ATP5MC3: variants seen among roughly 807,000 people sequenced by gnomAD.
ATP5MC3 encodes ATP synthase F(0) complex subunit C3, mitochondrial.
A neutral mutation model predicts 15.6 loss-of-function variants in ATP5MC3; 6 were observed. The ratio of observed to expected loss-of-function variants is 0.38; its 90% CI spans 0.21 to 0.76. ATP5MC3 has a LOEUF of 0.76. Among genes scored for constraint, ATP5MC3 ranks in the 30% least tolerant of loss-of-function variants. The probability of loss-of-function intolerance (pLI) is 0.44; values close to 1 mark genes in which losing one functional copy is unlikely to be tolerated. For missense variants in ATP5MC3, 132 were observed against 171.2 expected (o/e 0.77, Z 1.28); for synonymous variants, 66 against 63.3 (o/e 1.04, Z -0.20).
rs780027708 is a variant in ATP5MC3 at position 175,176,468 on chromosome 2, T to G, written c.*1820A>C. 6 of 152,218 alleles carry G rather than the reference T, an allele frequency of 3.9e-5. No homozygotes were observed. The highest frequency in any genetic ancestry group is 7.3e-5 in the Non-Finnish European group (5 of 68,034). The allele number at this position is 152,218 out of a possible 1,614,324, so 9.4% of individuals were successfully genotyped here. A position where few individuals can be genotyped will look rare whatever the true frequency, so the allele number is the denominator to read the frequency against. On this transcript the variant is annotated 3_prime_UTR_variant, in exon 5 of 5. Coordinates refer to ENST00000284727, the MANE Select transcript of ATP5MC3 (RefSeq NM_001689.5). ...TACAATGTTGTGCAACCATCACCAC[T>G]AATTCATCAAATTTTAATAATCTTT...
In ATP5MC3 at chr2:175,177,069, G is replaced by T. The variant is rs954573532; in HGVS notation, c.*1219C>A. On this transcript the variant is annotated 3_prime_UTR_variant, in exon 5 of 5. Transcript: ENST00000284727. Reference sequence around the variant, plus strand: ...TGGGGCCTCATTTCACTTTACAGAAGGTAGGATATATATATAACTTAGTGA... The same window carrying T: ...TGGGGCCTCATTTCACTTTACAGAATGTAGGATATATATATAACTTAGTGA... 1 of 152,048 alleles carries T rather than the reference G, an allele frequency of 6.6e-6. No individual in the cohort carries two copies. Among genetic ancestry groups the T allele is most frequent in the Non-Finnish European group, 1.5e-5 (1 of 68,000 alleles). 9.4% of individuals were successfully genotyped at this position (152,048 alleles called of 1,614,324 possible).
chr2:175,178,814 C>T (rs1315099287), intron 4 of ATP5MC3: 3 of 1,116,166 alleles, frequency 2.7e-6, no homozygotes, highest in Non-Finnish European at 3.4e-6. Context: ...CATTTTCTGA[C>T]ATTTACTAGC....
chr2:175,180,226 G>C (rs912384757), intron 2 of ATP5MC3, 48 bp from the exon 3 acceptor site: 24 of 1,420,588 alleles, frequency 1.7e-5, no homozygotes, highest in Admixed American at 2.5e-5. Context: ...AAAGAATACA[G>C]GTAAGACTTC....
At chr2:175,180,771 G>A (rs1700757161) in intron 2 of ATP5MC3, among the ~76,000 whole-genome samples, 2 of 152,086 alleles carry the variant, frequency 1.3e-5, no homozygotes, top group South Asian at 4.1e-4. Flanking sequence ...AAACCCTTCC[G>A]AACCAAAACC....
chr2:175,179,981 A>C, intron 3 of ATP5MC3, 117 bp downstream of exon 3: 1 of 841,288 alleles, frequency 1.2e-6, no homozygotes, highest in Non-Finnish European at 1.8e-6. Flanking sequence ...TTTTGGATAA[A>C]AGGGTGGGAA....
In ATP5MC3 at chr2:175,180,133, C is replaced by A; in HGVS notation, c.85G>T (p.Val29Leu). Residue 29 changes from valine (V) to leucine (L), a missense_variant, in exon 3 of 5, where the codon GTG becomes TTG. Around this residue, in one of 2 missense-constraint regions of ATP5MC3, gnomAD observed 90 missense variants for 86.2 expected, o/e 1.04. Transcript: ENST00000284727. ...RVAYRPISAS[V>L]LSRPEASRTG... The stretch of plus-strand genomic sequence containing the variant: ...CTACTAGCCTCTGGTCGAGATAACA[C>A]TGATGCAGAAATTGGTCTGTATGCA... The A allele has an allele frequency of 6.2e-7, 1 of 1,600,538 alleles. No homozygotes were observed. Among genetic ancestry groups the A allele is most frequent in the Non-Finnish European group, 8.5e-7 (1 of 1,177,168 alleles).
rs1312301235 is a variant in ATP5MC3 at position 175,178,384 on chromosome 2, C to T, written c.333G>A (p.Gln111=). The T allele has an allele frequency of 7.5e-6, 12 of 1,608,220 alleles. No individual in the cohort carries two copies. Among genetic ancestry groups the T allele is most frequent in the Non-Finnish European group, 1.0e-5 (12 of 1,178,198 alleles). The change falls in exon 5 of 5, where the codon CAG becomes CAA. Residue 111 remains glutamine (Q), a synonymous_variant. Transcript: ENST00000284727. ...CCAGGATAGCATATGAGAACAGCTG[C>T]TGCTTCAGCGAAGGGTTTCTAAAAG... is the stretch of plus-strand genomic sequence containing the variant. The part of the protein sequence containing the change: ...IGYARNPSLK[Q]QLFSYAILGF...
chr2:175,181,648 C>T lies in ATP5MC3; in HGVS notation c.-74+8G>A. ...GGCCAGGCCGGGCTCCCTGTGCCCTCCACTTACCTTCCCAGGAGGCGGCGG... is the reference window on the plus strand; with the variant it reads ...GGCCAGGCCGGGCTCCCTGTGCCCTTCACTTACCTTCCCAGGAGGCGGCGG... On this transcript the variant is annotated splice_region_variant and intron_variant, in intron 1 of 4. Coordinates refer to ENST00000284727, the MANE Select transcript of ATP5MC3 (RefSeq NM_001689.5). The T allele has an allele frequency of 2.0e-6, 1 of 498,386 alleles. No individual in the cohort carries two copies. Among genetic ancestry groups the T allele is most frequent in the South Asian group, 3.1e-5 (1 of 32,168 alleles). 30.9% of individuals were successfully genotyped at this position (498,386 alleles called of 1,614,324 possible).
Position 175,178,190 on chromosome 2 carries a change from T to C in ATP5MC3, c.*98A>G. ...AAATGACTTTGGAAATAACGTACAT[T>C]CCCATGACACCAATACTACAGTTTT... is the stretch of plus-strand genomic sequence containing the variant. On this transcript the variant is annotated 3_prime_UTR_variant, in exon 5 of 5. Coordinates refer to ENST00000284727, the MANE Select transcript of ATP5MC3 (RefSeq NM_001689.5). The C allele has an allele frequency of 6.7e-7, 1 of 1,491,396 alleles. No individual in the cohort carries two copies. Among genetic ancestry groups the C allele is most frequent in the Admixed American group, 2.5e-5 (1 of 40,032 alleles). 92.4% of individuals were successfully genotyped at this position (1,491,396 alleles called of 1,614,324 possible).
chr2:175,181,371 G>A lies in ATP5MC3; in HGVS notation c.23C>T (p.Ala8Val). Residue 8 changes from alanine to valine, a missense_variant, in exon 2 of 5, where the codon GCC becomes GTC. Physicochemically the swap from Ala to Val is moderately conservative, Grantham distance 64. Around this residue, in one of 2 missense-constraint regions of ATP5MC3, gnomAD observed 90 missense variants for 86.2 expected, o/e 1.04. Transcript: ENST00000284727. MFACAKLACTPSLIRAGS... is the reference protein window; with the variant it reads MFACAKLVCTPSLIRAGS... ...GCTACGCACCAGAGAGGGGGTGCAG[G>A]CGAGCTTGGCGCAGGCGAACATCTT... 1.9e-6 allele frequency: 3 copies of A among 1,613,920 alleles called. No individual in the cohort carries two copies. Among genetic ancestry groups the A allele is most frequent in the South Asian group, 2.2e-5 (2 of 90,962 alleles).
chr2:175,181,413 C>A lies in ATP5MC3; in HGVS notation c.-20G>T, dbSNP rs777708939. On this transcript the variant is annotated 5_prime_UTR_variant, in exon 2 of 5. Coordinates refer to ENST00000284727, the MANE Select transcript of ATP5MC3 (RefSeq NM_001689.5). ...GAACATCTTACACTCTTCGGGACTG[C>A]GCGGCTGGAGATATTGGGTGACAGG... 12 of 1,613,014 alleles carry A rather than the reference C, an allele frequency of 7.4e-6. 1 individual carries two copies. The East Asian group carries it at 2.7e-4, about 36-fold the overall frequency.
chr2:175,178,602 T>C, intron 4 of ATP5MC3, 200 bp from the exon 5 acceptor site: 2 of 1,302,046 alleles, frequency 1.5e-6, no homozygotes, highest in South Asian at 4.6e-5. Context: ...TCTGTCAATA[T>C]AAATGGTTAG....
rs746941539 is a variant in ATP5MC3, at chr2:175,180,162, C to A, written c.56G>T (p.Arg19Ile). ...CTPSLIRAGS[R>I]VAYRPISASV... ...TGCAGAAATTGGTCTGTATGCAACT[C>A]TGGATCCAGCTCGGATCTATTAATG... The change falls in exon 3 of 5, where the codon AGA becomes ATA. Residue 19 changes from arginine to isoleucine, a missense_variant. Around this residue, in one of 2 missense-constraint regions of ATP5MC3, gnomAD observed 90 missense variants for 86.2 expected, o/e 1.04. Transcript: ENST00000284727. 6.3e-7 allele frequency: 1 copy of A among 1,595,218 alleles called. No homozygotes were observed. The highest frequency in any genetic ancestry group is 1.2e-5 in the South Asian group (1 of 86,540).
In ATP5MC3 at chr2:175,180,086, T is replaced by C; in HGVS notation, c.120+12A>G. 6.3e-7 allele frequency: 1 copy of C among 1,578,178 alleles called. No individual in the cohort carries two copies. The highest frequency in any genetic ancestry group is 8.6e-7 in the Non-Finnish European group (1 of 1,165,882). On this transcript the variant is annotated intron_variant, in intron 3 of 4. Transcript: ENST00000284727. ...GGTAGTGTTACCTAATTTCAATTAT[T>C]GCTACTATTACCTCTCCAGTCCTAC...
Position 175,176,336 on chromosome 2 carries a change from A to G in ATP5MC3, c.*1952T>C, listed in dbSNP as rs148707747. On this transcript the variant is annotated 3_prime_UTR_variant, in exon 5 of 5. Coordinates refer to ENST00000284727, the MANE Select transcript of ATP5MC3 (RefSeq NM_001689.5). ...TCTAAGCATTTTCCTATCACTTTTA[A>G]AATTTTATACTATGTACTTTGTATT... is the stretch of plus-strand genomic sequence containing the variant. 1.5e-5 allele frequency: 2 copies of G among 132,606 alleles called. No individual in the cohort carries two copies. Among genetic ancestry groups the G allele is most frequent in the African/African-American group, 5.7e-5 (2 of 34,798 alleles). The allele number at this position is 132,606 out of a possible 1,614,324, so 8.2% of individuals were successfully genotyped here.
In ATP5MC3 at chr2:175,180,093, A is replaced by G; in HGVS notation, c.120+5T>C. 6.3e-7 allele frequency: 1 copy of G among 1,590,354 alleles called. No individual in the cohort carries two copies. Among genetic ancestry groups the G allele is most frequent in the Non-Finnish European group, 8.5e-7 (1 of 1,172,494 alleles). The stretch of plus-strand genomic sequence containing the variant: ...TTACCTAATTTCAATTATTGCTACT[A>G]TTACCTCTCCAGTCCTACTAGCCTC... On this transcript the variant is annotated splice_donor_5th_base_variant and intron_variant, in intron 3 of 4. Transcript: ENST00000284727.
chr2:175,181,555 G>C, intron 1 of ATP5MC3, 89 bp from the exon 2 acceptor site: 2 of 845,554 alleles, frequency 2.4e-6, no homozygotes, highest in Non-Finnish European at 3.6e-6. Flanking sequence ...CACGCCGTCA[G>C]CTTGGGCCCC....
rs1044212633 is a variant in ATP5MC3 at position 175,176,269 on chromosome 2, A to G, written c.*2019T>C. On this transcript the variant is annotated 3_prime_UTR_variant, in exon 5 of 5. Transcript: ENST00000284727. Reference sequence around the variant, plus strand: ...GCACCAAGAACAGGTCTTTACCAAGACTGTTTTTATTTAAAATATACTTGG... The same window carrying G: ...GCACCAAGAACAGGTCTTTACCAAGGCTGTTTTTATTTAAAATATACTTGG... 1 of 152,154 alleles carries G rather than the reference A, an allele frequency of 6.6e-6. No individual in the cohort carries two copies. The highest frequency in any genetic ancestry group is 2.4e-5 in the African/African-American group (1 of 41,428). 9.4% of individuals were successfully genotyped at this position (152,154 alleles called of 1,614,324 possible).
rs1700701158 is a variant in ATP5MC3 at position 175,177,295 on chromosome 2, A to C, written c.*993T>G. Reference sequence around the variant, plus strand: ...TGCTCTTTCTCAATGGAAATCAAACAGGCAAAGGGCACTAAGAAAAGTAAA... The same window carrying C: ...TGCTCTTTCTCAATGGAAATCAAACCGGCAAAGGGCACTAAGAAAAGTAAA... On this transcript the variant is annotated 3_prime_UTR_variant, in exon 5 of 5. Transcript: ENST00000284727. 6.6e-6 allele frequency: 1 copy of C among 152,210 alleles called. No homozygotes were observed. The highest frequency in any genetic ancestry group is 2.4e-5 in the African/African-American group (1 of 41,458). The allele number at this position is 152,210 out of a possible 1,614,324, so 9.4% of individuals were successfully genotyped here. A position where few individuals can be genotyped will look rare whatever the true frequency, so the allele number is the denominator to read the frequency against.
Sources: allele counts gnomAD v4.1 joint callset (sites outside exome capture counted in the v4.1 genomes callset), GRCh38; gene constraint gnomAD v4.1.1; regional missense constraint gnomAD v4.1.1; transcripts MANE v1.5; gene names NCBI Gene and HGNC (gene_info 2026-07-23, HGNC 2026-07-21).